NELL1: variants seen among roughly 807,000 people sequenced by gnomAD.
NELL1 encodes the protein protein kinase C-binding protein NELL1.
Under a neutral mutation model 107.4 loss-of-function variants are expected in NELL1, and 76 were observed. That is an observed-to-expected ratio of 0.71 (90% CI 0.59 to 0.86). NELL1 has a LOEUF of 0.86. Ranked by LOEUF, NELL1 falls within the 40% of genes least tolerant of loss-of-function variation. The pLI is 0.00. For missense variants in NELL1, 1,024 were observed against 1,005.5 expected, an observed-to-expected ratio of 1.02 and a Z score of -0.25; for synonymous variants, 353 against 341.2, an observed-to-expected ratio of 1.03 and a Z score of -0.38.
intron 15 of NELL1, among the ~76,000 whole-genome samples, chr11:21,440,297 A>G (rs1324941046): frequency 6.7e-5 from 8 of 119,554 alleles, no homozygotes; most frequent in African/African-American, 3.7e-4. Context: ...TAAGTAAACA[A>G]AAGTAAGTTT....
At chr11:20,790,956 A>T (rs747455936) in intron 3 of NELL1, among the ~76,000 whole-genome samples, 6 of 152,222 alleles carry the variant, frequency 3.9e-5, no homozygotes, top group Admixed American at 3.9e-4. Flanking sequence ...ATGTTTATCC[A>T]TATGGAAGTG....
In NELL1 at chr11:21,457,310, T is replaced by C. The variant is rs150370204; in HGVS notation, c.1646-77064T>C. 5.4e-3 allele frequency among the ~76,000 whole-genome samples: 822 copies of C among 152,326 alleles called. 5 individuals carry two copies. The highest frequency in any genetic ancestry group is 0.017 in the African/African-American group (702 of 41,578). On this transcript the variant is annotated intron_variant, in intron 15 of 19. Coordinates refer to ENST00000357134, the MANE Select transcript of NELL1 (RefSeq NM_006157.5). ...GTCGTAGAGACATGAGTCAGGTTTC[T>C]GTGCTTTGTAATCTAGAAGAAAAGT...
At chr11:21,323,529 T>C (rs1850060223) in intron 14 of NELL1, among the ~76,000 whole-genome samples, 1 of 152,130 alleles carries the variant, frequency 6.6e-6, no homozygotes. Context: ...AATATTTATA[T>C]CTATTGGGTT....
intron 12 of NELL1, among the ~76,000 whole-genome samples, chr11:21,091,269 T>C (rs1854513490): frequency 6.6e-6 from 1 of 152,200 alleles, no homozygotes; most frequent in Non-Finnish European, 1.5e-5. Flanking sequence ...AGAACATTTT[T>C]TGAGCATTAT....
At chr11:20,744,420 A>ATT (rs1207417965) in intron 2 of NELL1, among the ~76,000 whole-genome samples, 3 of 152,208 alleles carry the variant, frequency 2.0e-5, no homozygotes, top group African/African-American at 7.2e-5. Context: ...TTGCTGTATA[A>ATT]CACACTACTC....
chr11:21,318,763 A>G (rs1410906164), intron 14 of NELL1, among the ~76,000 whole-genome samples: 2 of 151,886 alleles, frequency 1.3e-5, no homozygotes, highest in Non-Finnish European at 2.9e-5. Flanking sequence ...TCCTAATAAG[A>G]CATTTTTTCT....
intron 2 of NELL1, among the ~76,000 whole-genome samples, chr11:20,758,040 C>T (rs1856336538): frequency 6.6e-6 from 1 of 152,170 alleles, no homozygotes; most frequent in South Asian, 2.1e-4. Context: ...AGGGGCCAAG[C>T]TCCCTGGTCT....
At chr11:21,239,069 G>A (rs542113797) in intron 14 of NELL1, among the ~76,000 whole-genome samples, 1 of 152,190 alleles carries the variant, frequency 6.6e-6, no homozygotes, top group Non-Finnish European at 1.5e-5. Context: ...TTGGAACACA[G>A]TAGTTGCTCA....
At chr11:20,945,644 T>C (rs951117169) in intron 10 of NELL1, among the ~76,000 whole-genome samples, 2 of 152,214 alleles carry the variant, frequency 1.3e-5, no homozygotes, top group African/African-American at 4.8e-5. Flanking sequence ...TAATTCAGCA[T>C]TGTGATTTCC....
At chr11:20,927,284 A>C (rs1377023723) in intron 7 of NELL1, 24 bp from the exon 8 acceptor site, 1 of 1,586,990 alleles carries the variant, frequency 6.3e-7, no homozygotes, top group South Asian at 1.2e-5. Flanking sequence ...TACAGAAATT[A>C]CATTCAGTAA....
intron 16 of NELL1, among the ~76,000 whole-genome samples, chr11:21,551,029 T>G (rs1223132533): frequency 1.3e-5 from 2 of 151,020 alleles, no homozygotes; most frequent in Non-Finnish European, 3.0e-5. Context: ...AGCAGTGGTT[T>G]GTAGTTCTCC....
At chr11:21,203,396 G>A (rs985215012) in intron 13 of NELL1, among the ~76,000 whole-genome samples, 2 of 139,470 alleles carry the variant, frequency 1.4e-5, no homozygotes, top group African/African-American at 5.3e-5. Flanking sequence ...TGTCTCTTTT[G>A]ATCTTTGTTA....
At chr11:20,699,685 A>C (rs1854721709) in intron 2 of NELL1, among the ~76,000 whole-genome samples, 1 of 152,180 alleles carries the variant, frequency 6.6e-6, no homozygotes, top group Admixed American at 6.5e-5. Flanking sequence ...ACTCATTGGT[A>C]GATGGGCATT....
At chr11:21,467,049 A>C (rs1275902889) in intron 15 of NELL1, among the ~76,000 whole-genome samples, 2 of 152,096 alleles carry the variant, frequency 1.3e-5, no homozygotes, top group Non-Finnish European at 2.9e-5. Context: ...ACATGCAACA[A>C]CTGGGATAAT....
At chr11:21,507,769 AG>A (rs573599054) in intron 15 of NELL1, among the ~76,000 whole-genome samples, 23 of 149,998 alleles carry the variant, frequency 1.5e-4, no homozygotes, top group Non-Finnish European at 2.7e-4. Context: ...TAAAAGCAAA[AG>A]TTTTTTCTTT....
intron 17 of NELL1, among the ~76,000 whole-genome samples, chr11:21,566,825 T>C (rs927825614): frequency 1.3e-5 from 2 of 151,920 alleles, no homozygotes; most frequent in Non-Finnish European, 2.9e-5. Flanking sequence ...ATTTTCATTA[T>C]TAAAAATGAT....
At chr11:20,670,090 C>A (rs1332827573) in intron 1 of NELL1, among the ~76,000 whole-genome samples, 1 of 152,180 alleles carries the variant, frequency 6.6e-6, no homozygotes, top group Non-Finnish European at 1.5e-5. Flanking sequence ...GAGTCGAAAC[C>A]CGCAGCAGGG....
At chr11:21,029,987 A>AT (rs1852913208) in intron 12 of NELL1, among the ~76,000 whole-genome samples, 1 of 152,202 alleles carries the variant, frequency 6.6e-6, no homozygotes, top group African/African-American at 2.4e-5. Context: ...GACCTGCTGA[A>AT]TGGGTACTTG....
chr11:20,905,508 G>A (rs2134138631), intron 5 of NELL1, among the ~76,000 whole-genome samples: 1 of 152,226 alleles, frequency 6.6e-6, no homozygotes, highest in South Asian at 2.1e-4. Flanking sequence ...TGCTTAAAGA[G>A]CTAGATGAAA....
Sources: gnomAD v4.1 joint callset for allele counts (sites outside exome capture counted in the v4.1 genomes callset) on GRCh38, gnomAD v4.1.1 for gene constraint, MANE v1.5 for transcripts, NCBI Gene and HGNC (gene_info 2026-07-23, HGNC 2026-07-21) for gene names.